Variants in C1orf21 observed in about 807,000 individuals in gnomAD.
C1orf21 encodes the protein chromosome 1 open reading frame 21, also known as uncharacterized protein C1orf21.
A neutral mutation model predicts 18.7 loss-of-function variants in C1orf21; 3 were observed. That is an observed-to-expected ratio of 0.16 (90% confidence interval 0.07 to 0.42). C1orf21 has a LOEUF of 0.42. Among genes scored for constraint, C1orf21 ranks in the 10% least tolerant of loss-of-function variants. C1orf21 has a pLI of 0.99. For missense variants in C1orf21, 104 were observed against 143.6 expected (o/e 0.72, Z 1.41); for synonymous variants, 41 against 46.4 (o/e 0.88, Z 0.47).
intron 2 of C1orf21, among the ~76,000 whole-genome samples, chr1:184,494,140 A>G (rs1657855978): frequency 6.6e-6 from 1 of 152,226 alleles, no homozygotes; most frequent in Non-Finnish European, 1.5e-5. Flanking sequence ...GTCATCTGTC[A>G]GAGAAGGTCT....
intron 3 of C1orf21, among the ~76,000 whole-genome samples, chr1:184,572,509 G>A (rs2101990576): frequency 6.6e-6 from 1 of 152,282 alleles, no homozygotes; most frequent in Middle Eastern, 3.4e-3. Context: ...GAAATTTAGA[G>A]AAATGGGATA....
At chr1:184,567,716 A>G (rs1450619609) in intron 3 of C1orf21, 3 of 349,970 alleles carry the variant, frequency 8.6e-6, no homozygotes, top group African/African-American at 6.5e-5. Flanking sequence ...AAGTCAAAGG[A>G]ATATGGACAG....
At chr1:184,419,098 G>A (rs1277706723) in intron 1 of C1orf21, among the ~76,000 whole-genome samples, 2 of 151,852 alleles carry the variant, frequency 1.3e-5, no homozygotes, top group African/African-American at 2.4e-5. Flanking sequence ...AATGAGGGAG[G>A]TAGAATGGGA....
chr1:184,589,353 T>G (rs764350105), intron 3 of C1orf21, among the ~76,000 whole-genome samples: 5 of 152,232 alleles, frequency 3.3e-5, no homozygotes, highest in Non-Finnish European at 7.3e-5. Flanking sequence ...AATGACTTTT[T>G]GACATCGTTC....
intron 2 of C1orf21, among the ~76,000 whole-genome samples, chr1:184,503,741 G>A (rs1475078750): frequency 3.3e-5 from 5 of 152,144 alleles, no homozygotes; most frequent in Admixed American, 1.3e-4. Context: ...ACTAGAACTC[G>A]TGGGTCAGAC....
At chr1:184,402,934 A>G (rs181426560) in intron 1 of C1orf21, among the ~76,000 whole-genome samples, 1 of 152,360 alleles carries the variant, frequency 6.6e-6, no homozygotes, top group East Asian at 1.9e-4. Flanking sequence ...TGTTAGAATA[A>G]TTTTGAACAG....
intron 1 of C1orf21, among the ~76,000 whole-genome samples, chr1:184,398,829 C>G (rs1460182568): frequency 6.6e-6 from 1 of 152,084 alleles, no homozygotes. Context: ...TAGGACAGCT[C>G]CATTATATAA....
intron 3 of C1orf21, among the ~76,000 whole-genome samples, chr1:184,521,268 G>A (rs1226978614): frequency 6.6e-6 from 1 of 151,984 alleles, no homozygotes; most frequent in Admixed American, 6.6e-5. Context: ...TCTAGAAATC[G>A]TGCTCCCAGG....
At chr1:184,503,077 CA>C (rs199599189) in intron 2 of C1orf21, among the ~76,000 whole-genome samples, 3,200 of 61,564 alleles carry the variant, frequency 0.052, 22 homozygotes, top group African/African-American at 0.13. Context: ...GAAACTGTCT[CA>C]AAAAAAAAAA....
At chr1:184,541,407 C>T (rs989346566) in intron 3 of C1orf21, among the ~76,000 whole-genome samples, 1 of 152,150 alleles carries the variant, frequency 6.6e-6, no homozygotes, top group Non-Finnish European at 1.5e-5. Flanking sequence ...GAAGAACCAG[C>T]CTTGACCTCG....
chr1:184,530,408 A>G (rs551453777), intron 3 of C1orf21, among the ~76,000 whole-genome samples: 124 of 152,152 alleles, frequency 8.1e-4, no homozygotes, highest in Middle Eastern at 3.4e-3. Context: ...GATGATGACA[A>G]TGATGATGAT....
At chr1:184,426,801 G>T (rs1336548793) in intron 1 of C1orf21, among the ~76,000 whole-genome samples, 2 of 152,108 alleles carry the variant, frequency 1.3e-5, no homozygotes, top group Non-Finnish European at 2.9e-5. Context: ...TCTAACCAAG[G>T]CATACTGGGT....
intron 1 of C1orf21, among the ~76,000 whole-genome samples, chr1:184,460,620 G>GTCGTCGTCTTCT (rs1284129710): frequency 9.6e-4 from 108 of 112,082 alleles, no homozygotes; most frequent in African/African-American, 4.1e-3. Flanking sequence ...TGTCGTCGTC[G>GTCGTCGTCTTCT]TCTTCTTCTT....
intron 1 of C1orf21, among the ~76,000 whole-genome samples, chr1:184,433,981 C>T (rs1291448879): frequency 6.6e-6 from 1 of 152,032 alleles, no homozygotes; most frequent in African/African-American, 2.4e-5. Context: ...CATCCCTGTC[C>T]ACTTCTCACC....
intron 3 of C1orf21, among the ~76,000 whole-genome samples, chr1:184,527,365 A>G (rs1658392760): frequency 6.6e-6 from 1 of 152,204 alleles, no homozygotes; most frequent in Non-Finnish European, 1.5e-5. Flanking sequence ...ACAGGCTGGT[A>G]AAGGAGCATA....
chr1:184,460,518 CTCT>C (rs1359139317), intron 1 of C1orf21, among the ~76,000 whole-genome samples: 7 of 115,776 alleles, frequency 6.0e-5, no homozygotes, highest in Non-Finnish European at 1.9e-5. Flanking sequence ...GGGTGACTAC[CTCT>C]CTTTCTAAGG....
intron 2 of C1orf21, among the ~76,000 whole-genome samples, chr1:184,506,844 G>A (rs373450600): frequency 1.1e-4 from 17 of 152,012 alleles, no homozygotes; most frequent in Non-Finnish European, 2.4e-4. Flanking sequence ...TGGCTGTTGC[G>A]GAGGCTAGGT....
chr1:184,509,573 C>T (rs1196541006), intron 3 of C1orf21, among the ~76,000 whole-genome samples: 1 of 152,046 alleles, frequency 6.6e-6, no homozygotes, highest in East Asian at 1.9e-4. Flanking sequence ...TCTTTGTTAC[C>T]TACTCCATCC....
Position 184,410,642 on chromosome 1 carries a change from TATATATATATATA to T in C1orf21, c.-125+23275_-125+23287del, listed in dbSNP as rs1222965697. ...TTATATATATATATATATATATATA[TATATATATATATA>T]TATATATATTTTTTTTTTTTTTTTT... On this transcript the variant is annotated intron_variant, in intron 1 of 5. Transcript: ENST00000235307. 3.7e-4 allele frequency among the ~76,000 whole-genome samples: 2 copies of T among 5,380 alleles called. 1 individual carries two copies. The allele number at this position is 5,380 out of a possible 152,430, so 3.5% of individuals were successfully genotyped here.
Sources: allele counts gnomAD v4.1 joint callset (sites outside exome capture counted in the v4.1 genomes callset), GRCh38; gene constraint gnomAD v4.1.1; transcripts MANE v1.5; gene names NCBI Gene and HGNC (gene_info 2026-07-23, HGNC 2026-07-21).